The following CDK14 variants were observed in gnomAD, a reference collection of about 807,000 sequenced individuals.
The protein encoded by CDK14 is cyclin dependent kinase 14.
A neutral mutation model predicts 60.7 loss-of-function variants in CDK14; 34 were observed. The ratio of observed to expected loss-of-function variants is 0.56; its 90% confidence interval spans 0.43 to 0.75. The LOEUF is 0.75. CDK14 is among the 30% of genes least tolerant of loss of function. CDK14 has a pLI of 0.00. For synonymous variants in CDK14, 197 were observed against 203.7 expected (o/e 0.97, Z 0.28); for missense variants, 482 against 564.1 (o/e 0.85, Z 1.47).
intron 2 of CDK14, among the ~76,000 whole-genome samples, chr7:90,608,234 T>C (rs975390114): frequency 6.6e-6 from 1 of 152,234 alleles, no homozygotes; most frequent in Non-Finnish European, 1.5e-5. Context: ...GAACAATAAC[T>C]ACACTATGAT....
intron 11 of CDK14, among the ~76,000 whole-genome samples, chr7:91,046,775 G>A (rs1338030248): frequency 1.3e-5 from 2 of 151,910 alleles, no homozygotes; most frequent in African/African-American, 4.8e-5. Context: ...TTTTATAGAA[G>A]CTCTAATAGT....
At chr7:91,201,636 G>A (rs116656870) in intron 14 of CDK14, among the ~76,000 whole-genome samples, 1,637 of 152,254 alleles carry the variant, frequency 0.011, 25 homozygotes, top group African/African-American at 0.038. Flanking sequence ...ACACTGAGTG[G>A]GGGTCCTCAG....
At chr7:91,188,790 T>G (rs1474658018) in intron 14 of CDK14, among the ~76,000 whole-genome samples, 1 of 152,202 alleles carries the variant, frequency 6.6e-6, no homozygotes, top group Non-Finnish European at 1.5e-5. Context: ...AGAGCAACAG[T>G]GTATCACTAC....
intron 2 of CDK14, among the ~76,000 whole-genome samples, chr7:90,708,916 G>A (rs1801964255): frequency 6.6e-6 from 1 of 152,140 alleles, no homozygotes; most frequent in South Asian, 2.1e-4. Flanking sequence ...TTAAAAAAGA[G>A]TGGATCAACC....
intron 14 of CDK14, among the ~76,000 whole-genome samples, chr7:91,157,567 C>T (rs377543571): frequency 1.4e-4 from 21 of 152,280 alleles, no homozygotes; most frequent in African/African-American, 3.4e-4. Flanking sequence ...GTTCCAGTTC[C>T]GGAGTTAACT....
intron 6 of CDK14, among the ~76,000 whole-genome samples, chr7:90,874,225 A>G (rs776155187): frequency 4.0e-5 from 6 of 151,866 alleles, no homozygotes; most frequent in Admixed American, 1.3e-4. Context: ...TGTGTGCGAG[A>G]TTTTTGTTGT....
chr7:90,631,049 T>C (rs1799987172), intron 2 of CDK14, among the ~76,000 whole-genome samples: 1 of 152,164 alleles, frequency 6.6e-6, no homozygotes, highest in African/African-American at 2.4e-5. Flanking sequence ...ACACTTACTA[T>C]CAAAAGGTGG....
At position 90,849,841 on chromosome 7, in the gene CDK14, T is replaced by C. The variant is rs539657951; in HGVS notation, c.545-13334T>C. Reference sequence around the variant, plus strand: ...AAATCCATGTATGGTTAGAACATCGTCTTCCTTTTCTTATTGATACTGTCT... The same window carrying C: ...AAATCCATGTATGGTTAGAACATCGCCTTCCTTTTCTTATTGATACTGTCT... On this transcript the variant is annotated intron_variant, in intron 5 of 14. Transcript: ENST00000380050. Among the ~76,000 whole-genome samples the C allele has an allele frequency of 3.9e-5, 6 of 152,132 alleles. No homozygotes were observed. In the South Asian group the frequency reaches 6.2e-4, roughly 16 times the overall value.
intron 2 of CDK14, among the ~76,000 whole-genome samples, chr7:90,641,391 A>C (rs529604008): frequency 6.6e-6 from 1 of 152,304 alleles, no homozygotes; most frequent in South Asian, 2.1e-4. Context: ...CCATCATCTG[A>C]TGAATGGATA....
chr7:90,899,180 G>A, intron 6 of CDK14, 111 bp from the exon 7 acceptor site: 1 of 775,436 alleles, frequency 1.3e-6, no homozygotes, highest in Non-Finnish European at 2.0e-6. Flanking sequence ...CCACCCACTT[G>A]TCTTTTATTT....
chr7:90,929,891 A>G (rs868556272), intron 8 of CDK14, among the ~76,000 whole-genome samples: 5 of 152,208 alleles, frequency 3.3e-5, no homozygotes, highest in African/African-American at 1.2e-4. Flanking sequence ...AGTGAACACT[A>G]CTACTGCTGT....
chr7:90,933,469 T>G (rs1287055158), intron 8 of CDK14, among the ~76,000 whole-genome samples: 1 of 152,214 alleles, frequency 6.6e-6, no homozygotes, highest in African/African-American at 2.4e-5. Flanking sequence ...TTTTCAAATC[T>G]TCACATAGTC....
At chr7:91,167,755 G>T (rs538816657) in intron 14 of CDK14, among the ~76,000 whole-genome samples, 31 of 152,242 alleles carry the variant, frequency 2.0e-4, no homozygotes, top group African/African-American at 7.5e-4. Context: ...TTGCCATTTT[G>T]TTGCTGTGCA....
intron 6 of CDK14, among the ~76,000 whole-genome samples, chr7:90,869,963 T>G (rs1791312912): frequency 6.6e-6 from 1 of 152,216 alleles, no homozygotes; most frequent in Non-Finnish European, 1.5e-5. Context: ...CTCGTAATGC[T>G]AAGCCAGGAT....
intron 6 of CDK14, among the ~76,000 whole-genome samples, chr7:90,867,337 A>G (rs985993140): frequency 9.2e-5 from 14 of 152,226 alleles, no homozygotes; most frequent in Admixed American, 3.9e-4. Context: ...CTACTTAAAC[A>G]GAAAGTTAAG....
At chr7:90,696,345 T>C (rs201586774) in intron 2 of CDK14, among the ~76,000 whole-genome samples, 8 of 72,510 alleles carry the variant, frequency 1.1e-4, no homozygotes, top group Admixed American at 1.5e-4. Context: ...TCTTTTTTTT[T>C]TTTTTTTTTT....
chr7:90,787,130 A>C (rs1805618471), intron 4 of CDK14, among the ~76,000 whole-genome samples: 1 of 152,118 alleles, frequency 6.6e-6, no homozygotes, highest in Non-Finnish European at 1.5e-5. Context: ...GAAAGGAGAA[A>C]GTCACAATGA....
chr7:91,172,484 A>G (rs575328353), intron 14 of CDK14, among the ~76,000 whole-genome samples: 46 of 152,006 alleles, frequency 3.0e-4, no homozygotes, highest in Non-Finnish European at 3.2e-4. Context: ...ACCACTGCCC[A>G]TTTTCCTCAC....
chr7:91,028,382 A>G (rs1796664591), intron 10 of CDK14, among the ~76,000 whole-genome samples: 1 of 152,162 alleles, frequency 6.6e-6, no homozygotes, highest in Non-Finnish European at 1.5e-5. Flanking sequence ...GCATAGTCCT[A>G]CAATTAATGT....
Sources: allele counts gnomAD v4.1 joint callset (sites outside exome capture counted in the v4.1 genomes callset), GRCh38; gene constraint gnomAD v4.1.1; transcripts MANE v1.5; gene names NCBI Gene and HGNC (gene_info 2026-07-23, HGNC 2026-07-21).